The following COLGALT2 variants were observed in gnomAD, a reference collection of about 807,000 sequenced individuals.
The protein encoded by COLGALT2 is collagen beta(1-O)galactosyltransferase 2, also known as procollagen galactosyltransferase 2.
A neutral mutation model predicts 73.4 loss-of-function variants in COLGALT2; 49 were observed. The observed-to-expected ratio is 0.67, with a 90% CI of 0.53 to 0.85. The LOEUF (loss-of-function observed/expected upper bound fraction) is 0.85, where lower values mean the gene tolerates loss of function less well. Ranked by LOEUF, COLGALT2 falls within the 40% of genes least tolerant of loss-of-function variation. The pLI is 0.00. For synonymous variants in COLGALT2, 295 were observed against 307.6 expected, an observed-to-expected ratio of 0.96 and a Z score of 0.43; for missense variants, 722 against 790.2, an observed-to-expected ratio of 0.91 and a Z score of 1.03.
intron 1 of COLGALT2, among the ~76,000 whole-genome samples, chr1:184,010,133 A>C (rs929172079): frequency 6.6e-5 from 10 of 152,108 alleles, no homozygotes; most frequent in Non-Finnish European, 1.5e-4. Context: ...ATCTACAGGG[A>C]CCAGCCAGTC....
At chr1:183,933,157 A>G (rs539743238), downstream of COLGALT2, among the ~76,000 whole-genome samples, 1 of 152,234 alleles carries the variant, frequency 6.6e-6, no homozygotes, top group African/African-American at 2.4e-5. Flanking sequence ...TTCCATTTGA[A>G]GCCTCCCTCC....
At chr1:183,982,786 A>G (rs550488630) in intron 1 of COLGALT2, among the ~76,000 whole-genome samples, 1 of 152,284 alleles carries the variant, frequency 6.6e-6, no homozygotes, top group South Asian at 2.1e-4. Context: ...TGGGCAACAT[A>G]GTGAGACCCC....
chr1:183,961,365 C>G (rs190677216), intron 6 of COLGALT2, among the ~76,000 whole-genome samples: 1 of 147,754 alleles, frequency 6.8e-6, no homozygotes, highest in Non-Finnish European at 1.5e-5. Flanking sequence ...AGCTTATACT[C>G]TCAGCCCTGT....
In COLGALT2 at chr1:183,938,195, A is replaced by C; in HGVS notation, c.*566T>G. ...CACCCCTACTGGATAACAGGGACTA[A>C]GATTTTTTTTTTTTAAAAAATCTAC... On this transcript the variant is annotated 3_prime_UTR_variant, in exon 12 of 12. Transcript: ENST00000361927. The C allele has an allele frequency of 2.1e-6, 2 of 950,212 alleles. No homozygotes were observed. Among genetic ancestry groups the C allele is most frequent in the Non-Finnish European group, 2.5e-6 (2 of 813,376 alleles). The allele number at this position is 950,212 out of a possible 1,614,324, so 58.9% of individuals were successfully genotyped here.
chr1:183,970,708 A>G (rs938082235), intron 4 of COLGALT2, among the ~76,000 whole-genome samples: 3 of 152,320 alleles, frequency 2.0e-5, no homozygotes, highest in East Asian at 1.9e-4. Flanking sequence ...GAAAAATGGG[A>G]TAACAGCTGC....
At chr1:183,980,580 C>A (rs770010615) in intron 1 of COLGALT2, among the ~76,000 whole-genome samples, 8 of 151,900 alleles carry the variant, frequency 5.3e-5, no homozygotes, top group Non-Finnish European at 8.8e-5. Flanking sequence ...AGGAAAAAAA[C>A]CCCAACTAGG....
chr1:184,001,251 T>C (rs1671916944), intron 1 of COLGALT2, among the ~76,000 whole-genome samples: 1 of 152,174 alleles, frequency 6.6e-6, no homozygotes, highest in Admixed American at 6.5e-5. Flanking sequence ...AAAGGTCTTC[T>C]ACTTTTTTAA....
intron 1 of COLGALT2, among the ~76,000 whole-genome samples, chr1:184,012,384 G>A (rs911641148): frequency 2.6e-5 from 4 of 152,044 alleles, no homozygotes; most frequent in Admixed American, 6.5e-5. Flanking sequence ...ATTATTAGAG[G>A]AAAAATATGT....
Position 183,969,385 on chromosome 1 carries a change from A to T in COLGALT2, c.716T>A (p.Phe239Tyr), listed in dbSNP as rs760633004. Reference protein sequence around the residue: ...CFPVPMVHSTFLIDLRKEASD... With the variant: ...CFPVPMVHSTYLIDLRKEASD... ...GGCCTCCTTCCTGAGGTCAATTAGG[A>T]AGGTGGAGTGGACCATGGGGACGGG... is the stretch of plus-strand genomic sequence containing the variant. The change falls in exon 5 of 12, where the codon TTC becomes TAC. Residue 239 changes from phenylalanine (F) to tyrosine (Y), a missense_variant. By Grantham distance (22) the Phe-to-Tyr change is conservative (BLOSUM62 3). Coordinates refer to ENST00000361927, the MANE Select transcript of COLGALT2 (RefSeq NM_015101.4). 1 of 1,613,910 alleles carries T rather than the reference A, an allele frequency of 6.2e-7. No individual in the cohort carries two copies. Among genetic ancestry groups the T allele is most frequent in the Admixed American group, 1.7e-5 (1 of 59,996 alleles).
chr1:183,934,519 T>G (rs530731435), downstream of COLGALT2, among the ~76,000 whole-genome samples: 9 of 152,324 alleles, frequency 5.9e-5, no homozygotes, highest in South Asian at 1.9e-3. Flanking sequence ...AGCTGTCTAC[T>G]CTTAGTTTTC....
chr1:183,951,430 C>T (rs780756649), intron 7 of COLGALT2, among the ~76,000 whole-genome samples: 10 of 152,092 alleles, frequency 6.6e-5, no homozygotes, highest in African/African-American at 1.9e-4. Context: ...AAGGACAATA[C>T]GATCCTATGT....
intron 4 of COLGALT2, among the ~76,000 whole-genome samples, chr1:183,971,903 C>T (rs906931968): frequency 1.3e-5 from 2 of 152,174 alleles, no homozygotes; most frequent in Non-Finnish European, 1.5e-5. Context: ...TAACCTTTCC[C>T]TTAGCTTAAC....
chr1:183,995,930 A>G (rs982338431), intron 1 of COLGALT2, among the ~76,000 whole-genome samples: 1 of 152,066 alleles, frequency 6.6e-6, no homozygotes, highest in South Asian at 2.1e-4. Context: ...TTGTCCTTAT[A>G]TTCAATCTCA....
At chr1:183,981,980 T>C (rs1470923460) in intron 1 of COLGALT2, among the ~76,000 whole-genome samples, 1 of 152,228 alleles carries the variant, frequency 6.6e-6, no homozygotes, top group African/African-American at 2.4e-5. Flanking sequence ...AAATATTATC[T>C]TGTAAAATAG....
intron 1 of COLGALT2, among the ~76,000 whole-genome samples, chr1:184,034,712 A>T (rs1356213189): frequency 6.6e-6 from 1 of 152,216 alleles, no homozygotes; most frequent in African/African-American, 2.4e-5. Context: ...TAAACCAGAA[A>T]ATGAATGTGA....
At chr1:183,999,495 C>T (rs1671858214) in intron 1 of COLGALT2, among the ~76,000 whole-genome samples, 1 of 151,988 alleles carries the variant, frequency 6.6e-6, no homozygotes, top group Non-Finnish European at 1.5e-5. Flanking sequence ...AAAGTATTCC[C>T]TGCTTTTCTA....
At chr1:183,956,011 T>C (rs978132189) in intron 6 of COLGALT2, among the ~76,000 whole-genome samples, 1 of 152,200 alleles carries the variant, frequency 6.6e-6, no homozygotes, top group Non-Finnish European at 1.5e-5. Flanking sequence ...TGTGTGGATA[T>C]GGATAGCAGA....
intron 1 of COLGALT2, among the ~76,000 whole-genome samples, chr1:184,007,548 G>A (rs1672118622): frequency 6.6e-6 from 1 of 152,022 alleles, no homozygotes; most frequent in Admixed American, 6.6e-5. Flanking sequence ...ATTTTCAAAC[G>A]ATACATAATA....
intron 1 of COLGALT2, among the ~76,000 whole-genome samples, chr1:184,012,540 A>G (rs1234462806): frequency 6.6e-6 from 1 of 152,240 alleles, no homozygotes; most frequent in Non-Finnish European, 1.5e-5. Context: ...TACTGAACTT[A>G]GCAGTATAAT....
Sources: gnomAD v4.1 joint callset for allele counts (sites outside exome capture counted in the v4.1 genomes callset) on GRCh38, gnomAD v4.1.1 for gene constraint, MANE v1.5 for transcripts, NCBI Gene and HGNC (gene_info 2026-07-23, HGNC 2026-07-21) for gene names.